PTBP2: variants seen among roughly 807,000 people sequenced by gnomAD.
PTBP2 encodes the protein polypyrimidine tract-binding protein 2.
Under a neutral mutation model 61.4 loss-of-function variants are expected in PTBP2, and 13 were observed. The ratio of observed to expected loss-of-function variants is 0.21; its 90% CI spans 0.14 to 0.34. PTBP2 has a LOEUF of 0.34. PTBP2 is among the 10% of genes least tolerant of loss of function. The pLI, the probability that PTBP2 is intolerant of heterozygous loss-of-function variation, is 1.00. For synonymous variants in PTBP2, 215 were observed against 218.5 expected (o/e 0.98, Z 0.14); for missense variants, 405 against 642.6 (o/e 0.63, Z 4.00).
intron 2 of PTBP2, chr1:96,751,143 T>C (rs997439592): frequency 4.7e-6 from 2 of 421,142 alleles, no homozygotes; most frequent in African/African-American, 2.1e-5. Context: ...TTGTAAACAA[T>C]TGAGATAGCT....
intron 3 of PTBP2, among the ~76,000 whole-genome samples, chr1:96,763,063 C>T (rs1253554377): frequency 1.3e-5 from 2 of 151,218 alleles, no homozygotes; most frequent in Non-Finnish European, 2.9e-5. Flanking sequence ...GATGGGATGG[C>T]GGCCGGGCAG....
intron 8 of PTBP2, among the ~76,000 whole-genome samples, chr1:96,798,626 G>GA (rs1421501184): frequency 1.3e-5 from 2 of 152,168 alleles, no homozygotes; most frequent in African/African-American, 2.4e-5. Flanking sequence ...AAAGTAAGGG[G>GA]AACCTAAGGA....
chr1:96,776,613 G>A (rs1477346869), intron 5 of PTBP2, among the ~76,000 whole-genome samples: 1 of 151,816 alleles, frequency 6.6e-6, no homozygotes, highest in African/African-American at 2.4e-5. Context: ...GTAAACCTAT[G>A]TATAGGTATT....
rs1056408744 is a variant in PTBP2, at chr1:96,722,306, T to C, written c.8+434T>C. 4.1e-4 allele frequency among the ~76,000 whole-genome samples: 63 copies of C among 151,960 alleles called. 1 individual carries two copies. The highest frequency in any genetic ancestry group is 5.9e-5 in the Non-Finnish European group (4 of 68,002). On this transcript the variant is annotated intron_variant, in intron 1 of 13. Coordinates refer to ENST00000674951, the MANE Select transcript of PTBP2 (RefSeq NM_021190.4). The stretch of plus-strand genomic sequence containing the variant: ...CAGGCCTTTGGATTGGGGGAGCCTC[T>C]AGGGGAAGAGGAGAGAGGCACCCCA...
rs189827209 is a variant in PTBP2, at chr1:96,813,219, T to C, written c.1467-57T>C. On this transcript the variant is annotated intron_variant, in intron 13 of 13. Coordinates refer to ENST00000674951, the MANE Select transcript of PTBP2 (RefSeq NM_021190.4). ...CCGGAATGGCCAAAATTCAAGTATT[T>C]AATAAGCCCTTTCTAATTTGTATGA... The C allele has an allele frequency of 3.0e-3, 4,612 of 1,557,024 alleles. 19 individuals are homozygous for C. Among genetic ancestry groups the C allele is most frequent in the Middle Eastern group, 8.0e-3 (46 of 5,764 alleles).
intron 5 of PTBP2, among the ~76,000 whole-genome samples, chr1:96,776,727 A>T (rs1658086014): frequency 6.6e-6 from 1 of 151,724 alleles, no homozygotes; most frequent in Admixed American, 6.6e-5. Context: ...GACTGTCATC[A>T]TAATAACAGG....
chr1:96,812,800 G>A lies in PTBP2; in HGVS notation c.1260G>A (p.Glu420=). ...SKHQTVQLPR[E]GLDDQGLTKD... ...ATCAGACTGTACAGCTACCTCGAGA[G>A]GGACTTGATGATCAAGGGCTAACAA... Residue 420 remains glutamate, a synonymous_variant, in exon 12 of 14, where the codon GAG becomes GAA. Transcript: ENST00000674951. 2.5e-6 allele frequency: 4 copies of A among 1,611,928 alleles called. No individual in the cohort carries two copies. The highest frequency in any genetic ancestry group is 3.4e-6 in the Non-Finnish European group (4 of 1,178,098).
At chr1:96,777,341 G>A (rs989790809) in intron 5 of PTBP2, among the ~76,000 whole-genome samples, 2 of 152,026 alleles carry the variant, frequency 1.3e-5, no homozygotes, top group African/African-American at 4.8e-5. Context: ...TCATACCTTT[G>A]CATGTTCAAC....
intron 2 of PTBP2, among the ~76,000 whole-genome samples, chr1:96,745,998 G>A (rs574732496): frequency 3.2e-4 from 48 of 151,812 alleles, no homozygotes; most frequent in South Asian, 4.2e-4. Context: ...CCCAGGAGGC[G>A]GAGGTTGCAG....
chr1:96,740,668 G>T (rs1432333770), intron 2 of PTBP2, among the ~76,000 whole-genome samples: 4 of 151,892 alleles, frequency 2.6e-5, no homozygotes, highest in African/African-American at 4.8e-5. Flanking sequence ...ACATGTTTAT[G>T]TATTTTTATC....
At chr1:96,789,945 C>G (rs1659607302) in intron 8 of PTBP2, among the ~76,000 whole-genome samples, 1 of 152,088 alleles carries the variant, frequency 6.6e-6, no homozygotes. Context: ...TCCTCAAATA[C>G]CCAGCTTACA....
At position 96,813,464 on chromosome 1, in the gene PTBP2, CTG is replaced by C; in HGVS notation, c.*61_*62del. On this transcript the variant is annotated 3_prime_UTR_variant, in exon 14 of 14. Coordinates refer to ENST00000674951, the MANE Select transcript of PTBP2 (RefSeq NM_021190.4). ...TTGTTCAATGTCATCACCTATTTGA[CTG>C]TTCAGAAAAGTGGGGACCAGAGTTT... 1 of 1,420,096 alleles carries C rather than the reference CTG, an allele frequency of 7.0e-7. No homozygotes were observed. The highest frequency in any genetic ancestry group is 2.6e-5 in the Admixed American group (1 of 38,876). 88.0% of individuals were successfully genotyped at this position (1,420,096 alleles called of 1,614,324 possible).
chr1:96,781,620 G>T (rs1461380686), intron 7 of PTBP2, among the ~76,000 whole-genome samples: 1 of 151,846 alleles, frequency 6.6e-6, no homozygotes, highest in Non-Finnish European at 1.5e-5. Flanking sequence ...CTCTTCCTGA[G>T]ATAAGTCTTC....
chr1:96,745,312 G>A (rs1049139910), intron 2 of PTBP2, among the ~76,000 whole-genome samples: 4 of 151,904 alleles, frequency 2.6e-5, no homozygotes, highest in Admixed American at 2.6e-4. Flanking sequence ...TCAGGCACCC[G>A]CCACCACACC....
chr1:96,763,145 G>A (rs1490865293), intron 3 of PTBP2, among the ~76,000 whole-genome samples: 1 of 152,162 alleles, frequency 6.6e-6, no homozygotes, highest in African/African-American at 2.4e-5. Context: ...GGGCGGCCAG[G>A]CAGAGACGCT....
At chr1:96,730,009 G>C (rs927678473) in intron 2 of PTBP2, among the ~76,000 whole-genome samples, 1 of 152,154 alleles carries the variant, frequency 6.6e-6, no homozygotes, top group Admixed American at 6.5e-5. Context: ...TTACAGGCGT[G>C]AGCCACTGCG....
exon 14 of PTBP2, chr1:96,822,426 G>A (rs529041774): frequency 1.3e-5 from 2 of 152,260 alleles, no homozygotes; most frequent in Admixed American, 6.5e-5. Context: ...AGAGAAATAC[G>A]TTTGGATAGA....
chr1:96,722,353 A>G (rs1265290642), intron 1 of PTBP2, among the ~76,000 whole-genome samples: 2 of 150,632 alleles, frequency 1.3e-5, no homozygotes, highest in Non-Finnish European at 3.0e-5. Context: ...GCCATGAGCA[A>G]CCTCTCCGGC....
At chr1:96,793,150 T>C (rs1380406916) in intron 8 of PTBP2, among the ~76,000 whole-genome samples, 2 of 152,210 alleles carry the variant, frequency 1.3e-5, no homozygotes, top group South Asian at 2.1e-4. Flanking sequence ...TCTCATTTCA[T>C]GTGTTTTAAT....
Sources: gnomAD v4.1 joint callset for allele counts (sites outside exome capture counted in the v4.1 genomes callset) on GRCh38, gnomAD v4.1.1 for gene constraint, MANE v1.5 for transcripts, NCBI Gene and HGNC (gene_info 2026-07-23, HGNC 2026-07-21) for gene names.